SOCS5: variants seen among roughly 807,000 people sequenced by gnomAD.
SOCS5 encodes the protein suppressor of cytokine signaling 5.
Under a neutral mutation model 42.8 loss-of-function variants are expected in SOCS5, and 32 were observed. The ratio of observed to expected loss-of-function variants is 0.75; its 90% CI spans 0.56 to 1.01. The LOEUF (loss-of-function observed/expected upper bound fraction) is 1.01, where lower values mean the gene tolerates loss of function less well. Ranked by LOEUF, SOCS5 falls within the 50% of genes least tolerant of loss-of-function variation. The probability of loss-of-function intolerance (pLI) is 0.00; values close to 1 mark genes in which losing one functional copy is unlikely to be tolerated. For missense variants in SOCS5, 627 were observed against 653.0 expected (o/e 0.96, Z 0.43); for synonymous variants, 283 against 229.6 (o/e 1.23, Z -2.10).
intron 1 of SOCS5, among the ~76,000 whole-genome samples, chr2:46,742,908 C>T (rs1212830824): frequency 6.6e-6 from 1 of 152,114 alleles, no homozygotes; most frequent in Non-Finnish European, 1.5e-5. Flanking sequence ...TTGTGACCTG[C>T]CCACCTTGGC....
intron 1 of SOCS5, among the ~76,000 whole-genome samples, chr2:46,744,701 T>C (rs1183923265): frequency 3.9e-5 from 6 of 151,942 alleles, no homozygotes; most frequent in Non-Finnish European, 1.5e-5. Flanking sequence ...TAATTTTTTG[T>C]ATTTTTAGTA....
intron 1 of SOCS5, among the ~76,000 whole-genome samples, chr2:46,747,616 A>T (rs1300867639): frequency 6.6e-6 from 1 of 152,060 alleles, no homozygotes; most frequent in Non-Finnish European, 1.5e-5. Flanking sequence ...ACACTTTTTA[A>T]GGTTTCTTTG....
rs1673836798 is a variant in SOCS5, at chr2:46,760,262, G to C, written c.*121G>C. The C allele has an allele frequency of 4.3e-6, 3 of 695,180 alleles. No homozygotes were observed. The African/African-American group carries it at 5.4e-5, about 13-fold the overall frequency. 43.1% of individuals were successfully genotyped at this position (695,180 alleles called of 1,614,324 possible). A position where few individuals can be genotyped will look rare whatever the true frequency, so the allele number is the denominator to read the frequency against. Reference sequence around the variant, plus strand: ...CATACAGTATGTAAGCTTAGTGTTAGTATCTGTCAGATGCTACCTGCTGTT... The same window carrying C: ...CATACAGTATGTAAGCTTAGTGTTACTATCTGTCAGATGCTACCTGCTGTT... On this transcript the variant is annotated 3_prime_UTR_variant, in exon 2 of 2. Coordinates refer to ENST00000394861, the MANE Select transcript of SOCS5 (RefSeq NM_144949.3).
At chr2:46,719,711 T>G (rs1243908883) in intron 1 of SOCS5, among the ~76,000 whole-genome samples, 3 of 152,180 alleles carry the variant, frequency 2.0e-5, no homozygotes, top group African/African-American at 7.2e-5. Flanking sequence ...ATAGAACATG[T>G]TGGAAACCCA....
intron 1 of SOCS5, among the ~76,000 whole-genome samples, chr2:46,715,138 G>T (rs1366156366): frequency 6.6e-6 from 1 of 152,082 alleles, no homozygotes; most frequent in African/African-American, 2.4e-5. Context: ...GGAGGCTGAG[G>T]TGGGTGGATT....
intron 1 of SOCS5, among the ~76,000 whole-genome samples, chr2:46,744,763 G>A (rs981488414): frequency 1.3e-5 from 2 of 151,294 alleles, no homozygotes; most frequent in Admixed American, 6.6e-5. Flanking sequence ...CCTGACCTCC[G>A]GTGATCCGCC....
chr2:46,699,651 G>T lies in SOCS5; in HGVS notation c.-13+202G>T, dbSNP rs924060407. On this transcript the variant is annotated intron_variant, in intron 1 of 1. Coordinates refer to ENST00000394861, the MANE Select transcript of SOCS5 (RefSeq NM_144949.3). The surrounding 1 kb of genome is among the most constrained non-coding windows in gnomAD (Gnocchi z 4.8). ...AAAGGACTGCTAGCCCGGGCCGCGA[G>T]CCCCGTGCAGACCACGCCGCTCACA... Among the ~76,000 whole-genome samples, 1 of 152,202 alleles carries T rather than the reference G, an allele frequency of 6.6e-6. No individual in the cohort carries two copies. The highest frequency in any genetic ancestry group is 6.5e-5 in the Admixed American group (1 of 15,284).
intron 1 of SOCS5, among the ~76,000 whole-genome samples, chr2:46,748,062 C>T (rs1202772172): frequency 6.6e-6 from 1 of 152,138 alleles, no homozygotes; most frequent in Non-Finnish European, 1.5e-5. Context: ...ACATGCTTCT[C>T]TACATTTGTT....
chr2:46,721,406 A>G (rs1285446599), intron 1 of SOCS5, among the ~76,000 whole-genome samples: 1 of 152,180 alleles, frequency 6.6e-6, no homozygotes, highest in Non-Finnish European at 1.5e-5. Flanking sequence ...TAACTTGACT[A>G]GTAGGTAAAT....
Position 46,719,240 on chromosome 2 carries a change from T to C in SOCS5, c.-13+19791T>C, listed in dbSNP as rs1225283725. ...TAAAAGCAGGATGATACATGTCCAA[T>C]CCTTTTTTCCATTTTTGCAGATACT... On this transcript the variant is annotated intron_variant, in intron 1 of 1. Coordinates refer to ENST00000394861, the MANE Select transcript of SOCS5 (RefSeq NM_144949.3). Among the ~76,000 whole-genome samples the C allele has an allele frequency of 7.9e-5, 12 of 152,300 alleles. No individual in the cohort carries two copies. The East Asian group carries it at 2.1e-3, about 27-fold the overall frequency.
chr2:46,751,155 G>A (rs1673613951), intron 1 of SOCS5, among the ~76,000 whole-genome samples: 1 of 152,038 alleles, frequency 6.6e-6, no homozygotes, highest in African/African-American at 2.4e-5. Flanking sequence ...TACTCGTAGG[G>A]TTGTTGGGAG....
chr2:46,714,794 G>T (rs1033021863), intron 1 of SOCS5, among the ~76,000 whole-genome samples: 1 of 152,000 alleles, frequency 6.6e-6, no homozygotes, highest in Admixed American at 6.6e-5. Context: ...TCTGTTGGCT[G>T]GTGTTGTTTC....
intron 1 of SOCS5, among the ~76,000 whole-genome samples, chr2:46,750,310 G>A (rs1440442262): frequency 6.6e-6 from 1 of 152,076 alleles, no homozygotes; most frequent in Non-Finnish European, 1.5e-5. Context: ...AGTTAGAATT[G>A]TGTGGATAAA....
At chr2:46,725,117 CT>C (rs1400359215) in intron 1 of SOCS5, among the ~76,000 whole-genome samples, 18 of 151,856 alleles carry the variant, frequency 1.2e-4, no homozygotes, top group Non-Finnish European at 2.9e-5. Flanking sequence ...TGTTGTGGCT[CT>C]TTTTATTCCT....
At chr2:46,746,358 T>C (rs949452068) in intron 1 of SOCS5, among the ~76,000 whole-genome samples, 5 of 152,048 alleles carry the variant, frequency 3.3e-5, no homozygotes, top group African/African-American at 2.4e-5. Context: ...CTTTGGAGTA[T>C]AGAAATATTC....
rs569504371 is a variant in SOCS5 at position 46,736,643 on chromosome 2, G to A, written c.-12-21876G>A. 3.3e-5 allele frequency among the ~76,000 whole-genome samples: 5 copies of A among 152,240 alleles called. No individual in the cohort carries two copies. The East Asian group carries it at 7.7e-4, about 24-fold the overall frequency. On this transcript the variant is annotated intron_variant, in intron 1 of 1. Coordinates refer to ENST00000394861, the MANE Select transcript of SOCS5 (RefSeq NM_144949.3). ...TCAAGGTACATCCATGTTGTAGCAT[G>A]TGTTAGAATATCCTTCCTATTTAAG...
chr2:46,731,325 A>G (rs997530944), intron 1 of SOCS5, among the ~76,000 whole-genome samples: 3 of 152,314 alleles, frequency 2.0e-5, no homozygotes, highest in East Asian at 1.9e-4. Flanking sequence ...GAAGATGGCC[A>G]TCTCTGAACC....
intron 1 of SOCS5, among the ~76,000 whole-genome samples, chr2:46,738,896 G>C (rs544532798): frequency 2.6e-5 from 4 of 152,312 alleles, no homozygotes; most frequent in African/African-American, 9.6e-5. Flanking sequence ...TTTGCTAGCA[G>C]TAAGTAAGAT....
At chr2:46,730,915 A>G (rs547877351) in intron 1 of SOCS5, among the ~76,000 whole-genome samples, 55 of 152,304 alleles carry the variant, frequency 3.6e-4, no homozygotes, top group African/African-American at 1.2e-3. Context: ...CTTGTGTTTA[A>G]GTCCGAGCTC....
Sources: allele counts gnomAD v4.1 joint callset (sites outside exome capture counted in the v4.1 genomes callset), GRCh38; gene constraint gnomAD v4.1.1; non-coding constraint Gnocchi (gnomAD v3.1); transcripts MANE v1.5; gene names NCBI Gene and HGNC (gene_info 2026-07-23, HGNC 2026-07-21).